The following LONRF2 variants were observed in gnomAD, a reference collection of about 807,000 sequenced individuals.
LONRF2 encodes LON peptidase N-terminal domain and ring finger 2.
LONRF2 carries 35 observed loss-of-function variants against 66.6 expected under a neutral mutation model. That is an observed-to-expected ratio of 0.53 (90% CI 0.40 to 0.70). LONRF2 has a LOEUF of 0.70. Among genes scored for constraint, LONRF2 ranks in the 30% least tolerant of loss-of-function variants. The pLI, the probability that LONRF2 is intolerant of heterozygous loss-of-function variation, is 0.00. For synonymous variants in LONRF2, 417 were observed against 418.1 expected (o/e 1.00, Z 0.03); for missense variants, 902 against 1,002.1 (o/e 0.90, Z 1.35).
intron 4 of LONRF2, among the ~76,000 whole-genome samples, chr2:100,300,260 TTA>T (rs1187646916): frequency 1.8e-4 from 27 of 151,876 alleles, no homozygotes; most frequent in Admixed American, 1.2e-3. Context: ...TTATTTTTTT[TTA>T]AATTACACTT....
intron 10 of LONRF2, among the ~76,000 whole-genome samples, chr2:100,288,522 T>G (rs985151099): frequency 6.6e-6 from 1 of 152,256 alleles, no homozygotes; most frequent in African/African-American, 2.4e-5. Flanking sequence ...TGCATAGATC[T>G]TGTTGAGCTC....
chr2:100,306,425 T>G lies in LONRF2; in HGVS notation c.798+2682A>C, dbSNP rs1014500872. ...AGAATCTCAATTGAGATTTGCATTT[T>G]TTATACCACAGTGTATCAGTAAATA... On this transcript the variant is annotated intron_variant, in intron 2 of 11. Coordinates refer to ENST00000393437, the MANE Select transcript of LONRF2 (RefSeq NM_198461.4). 2.0e-5 allele frequency among the ~76,000 whole-genome samples: 3 copies of G among 152,354 alleles called. No individual in the cohort carries two copies. The South Asian group carries it at 6.2e-4, about 32-fold the overall frequency.
chr2:100,317,627 T>C (rs1017167127), intron 1 of LONRF2, among the ~76,000 whole-genome samples: 1 of 152,202 alleles, frequency 6.6e-6, no homozygotes, highest in Non-Finnish European at 1.5e-5. Context: ...CCTCAGTATA[T>C]CATGAAATGC....
At chr2:100,284,535 G>A (rs1033148698) in intron 11 of LONRF2, 43 bp from the exon 12 acceptor site, 10 of 1,449,120 alleles carry the variant, frequency 6.9e-6, no homozygotes, top group Middle Eastern at 2.4e-4. Flanking sequence ...CACTGGAAAT[G>A]CAAGCCTGTT....
chr2:100,305,292 T>C (rs1479122158), intron 2 of LONRF2, among the ~76,000 whole-genome samples: 2 of 152,196 alleles, frequency 1.3e-5, no homozygotes, highest in Non-Finnish European at 2.9e-5. Flanking sequence ...TTTTGGATGT[T>C]TTATAGTGTC....
intron 4 of LONRF2, among the ~76,000 whole-genome samples, chr2:100,300,317 T>C (rs560484090): frequency 1.3e-5 from 2 of 152,268 alleles, no homozygotes; most frequent in South Asian, 2.1e-4. Context: ...TTGTTACATA[T>C]GTATACATGT....
At chr2:100,316,868 G>A (rs1443745478) in intron 1 of LONRF2, among the ~76,000 whole-genome samples, 1 of 152,042 alleles carries the variant, frequency 6.6e-6, no homozygotes, top group East Asian at 1.9e-4. Flanking sequence ...GTTGTTAGGT[G>A]CATAAAAATT....
rs1047374188 is a variant in LONRF2 at position 100,309,160 on chromosome 2, G to T, written c.745C>A (p.Gln249Lys). Reference protein sequence around the residue: ...ELYLTMKNYEQALQDASAACQ... With the variant: ...ELYLTMKNYEKALQDASAACQ... ...GCTGCACTGGCATCTTGGAGAGCTT[G>T]CTCATAGTTCTTCATGGTCAAATAT... The change falls in exon 2 of 12, where the codon CAA (glutamine) becomes AAA (lysine). Residue 249 changes from glutamine to lysine, a missense_variant. This residue lies in a region of LONRF2 where 585 missense variants were observed against 569.9 expected (regional missense o/e 1.03). Transcript: ENST00000393437. 6.2e-7 allele frequency: 1 copy of T among 1,607,570 alleles called. No homozygotes were observed. Among genetic ancestry groups the T allele is most frequent in the Non-Finnish European group, 8.5e-7 (1 of 1,177,864 alleles).
chr2:100,289,941 G>A (rs975381886), intron 10 of LONRF2, among the ~76,000 whole-genome samples: 8 of 152,080 alleles, frequency 5.3e-5, no homozygotes, highest in South Asian at 2.1e-4. Context: ...CTGTTTCAAC[G>A]ACAAACAAAA....
Position 100,278,750 on chromosome 2 carries a change from C to A in LONRF2, c.*5548G>T. The A allele has an allele frequency of 6.6e-6, 1 of 152,314 alleles. No individual in the cohort carries two copies. Among genetic ancestry groups the A allele is most frequent in the Non-Finnish European group, 1.5e-5 (1 of 68,082 alleles). 9.4% of individuals were successfully genotyped at this position (152,314 alleles called of 1,614,324 possible). A position where few individuals can be genotyped will look rare whatever the true frequency, so the allele number is the denominator to read the frequency against. On this transcript the variant is annotated 3_prime_UTR_variant, in exon 12 of 12. Transcript: ENST00000393437. The stretch of plus-strand genomic sequence containing the variant: ...GAAGATGACATGGTCCCAGCCACGA[C>A]CTCGCCGTGGGAGATAACTTTGTCC...
intron 3 of LONRF2, among the ~76,000 whole-genome samples, chr2:100,301,280 T>C (rs539414014): frequency 6.6e-5 from 10 of 152,238 alleles, no homozygotes; most frequent in African/African-American, 2.4e-4. Flanking sequence ...GGAATGGCAT[T>C]GGTGGGGGCA....
At chr2:100,290,158 A>C (rs1357993250) in intron 10 of LONRF2, 100 bp downstream of exon 10, 1 of 1,115,856 alleles carries the variant, frequency 9.0e-7, no homozygotes, top group Non-Finnish European at 1.3e-6. Context: ...TTAAGGACTT[A>C]AGTAATATTG....
chr2:100,321,277 C>A, intron 1 of LONRF2, 138 bp downstream of exon 1: 2 of 762,118 alleles, frequency 2.6e-6, no homozygotes, highest in Non-Finnish European at 3.8e-6. Flanking sequence ...ACCTTCCCAT[C>A]CTTAGGAAGC....
Position 100,274,881 on chromosome 2 carries a change from A to T in LONRF2, c.*9417T>A, listed in dbSNP as rs967733188. The T allele has an allele frequency of 6.6e-6, 1 of 152,414 alleles. No homozygotes were observed. Among genetic ancestry groups the T allele is most frequent in the Non-Finnish European group, 1.5e-5 (1 of 68,186 alleles). The allele number at this position is 152,414 out of a possible 1,614,324, so 9.4% of individuals were successfully genotyped here. A position where few individuals can be genotyped will look rare whatever the true frequency, so the allele number is the denominator to read the frequency against. ...GCTCCTTTTCTCCAGAAATGCAAGT[A>T]ACAAACTTTTCTTTCAATGACAGCA... On this transcript the variant is annotated 3_prime_UTR_variant, in exon 12 of 12. Transcript: ENST00000393437.
intron 3 of LONRF2, among the ~76,000 whole-genome samples, chr2:100,301,510 C>T (rs1024907380): frequency 3.9e-5 from 6 of 152,230 alleles, no homozygotes; most frequent in Admixed American, 1.3e-4. Context: ...TGCAGCAATG[C>T]GCACCACCAC....
At chr2:100,299,006 T>A in intron 6 of LONRF2, 56 bp from the exon 7 acceptor site, 1 of 1,386,588 alleles carries the variant, frequency 7.2e-7, no homozygotes, top group Non-Finnish European at 1.0e-6. Flanking sequence ...TTTCAAATCA[T>A]GGACTGGTTT....
chr2:100,309,525 C>T (rs932389438), intron 1 of LONRF2: 5 of 168,790 alleles, frequency 3.0e-5, no homozygotes, highest in African/African-American at 4.7e-5. Context: ...TACACACACA[C>T]GAGCTACATC....
Position 100,322,460 on chromosome 2 carries a change from T to G in LONRF2, c.-367A>C. ...TGACCGCGCTCCAGGTCCGCGTCTC[T>G]TGCGATGCTTCCCCCACTCGCCTGA... is the stretch of plus-strand genomic sequence containing the variant. On this transcript the variant is annotated 5_prime_UTR_variant, in exon 1 of 12. Coordinates refer to ENST00000393437, the MANE Select transcript of LONRF2 (RefSeq NM_198461.4). The G allele has an allele frequency of 5.9e-6, 1 of 170,018 alleles. No individual in the cohort carries two copies. Among genetic ancestry groups the G allele is most frequent in the Non-Finnish European group, 1.3e-5 (1 of 79,986 alleles). The allele number at this position is 170,018 out of a possible 1,614,324, so 10.5% of individuals were successfully genotyped here.
rs751349231 is a variant in LONRF2, at chr2:100,290,310, C to A, written c.1868G>T (p.Arg623Leu). The A allele has an allele frequency of 6.2e-7, 1 of 1,614,086 alleles. No homozygotes were observed. Among genetic ancestry groups the A allele is most frequent in the Non-Finnish European group, 8.5e-7 (1 of 1,180,008 alleles). Residue 623 changes from arginine (R) to leucine (L), a missense_variant, in exon 10 of 12, where the codon CGC (arginine) becomes CTC (leucine). By Grantham distance (102) the Arg-to-Leu change is moderately radical (BLOSUM62 -2). This residue lies in a region of LONRF2 where 317 missense variants were observed against 432.2 expected (regional missense o/e 0.73). Coordinates refer to ENST00000393437, the MANE Select transcript of LONRF2 (RefSeq NM_198461.4). ...GISRFRVLSH[R>L]HRDGYNTADI... The stretch of plus-strand genomic sequence containing the variant: ...CGCTGTGTTATAGCCATCTCTGTGG[C>A]GGTGGCTTAGCACTCGGAACCGACT...
Sources: allele counts gnomAD v4.1 joint callset (sites outside exome capture counted in the v4.1 genomes callset), GRCh38; gene constraint gnomAD v4.1.1; regional missense constraint gnomAD v4.1.1; transcripts MANE v1.5; gene names NCBI Gene and HGNC (gene_info 2026-07-23, HGNC 2026-07-21).